RAB33A: variants seen among roughly 807,000 people sequenced by gnomAD.
RAB33A encodes the protein RAB33A, member RAS oncogene family.
In RAB33A, 6 loss-of-function variants were observed where a neutral mutation model predicts 12.0. The observed-to-expected ratio is 0.50, with a 90% CI of 0.27 to 0.99. The LOEUF is 0.99. RAB33A is among the 50% of genes least tolerant of loss of function. RAB33A has a pLI of 0.11. For missense variants in RAB33A, 109 were observed against 192.0 expected, an observed-to-expected ratio of 0.57 and a Z score of 2.55; for synonymous variants, 70 against 82.4, an observed-to-expected ratio of 0.85 and a Z score of 0.81.
At chrX:130,147,433 C>T in the RAB33A span, 1 of 1,203,446 alleles carries the variant, frequency 8.3e-7, no homozygotes, top group Non-Finnish European at 1.1e-6. Flanking sequence ...TGGCAAAATC[C>T]TAACCTATTC....
chrX:130,116,885 T>C, the RAB33A span, among the ~76,000 whole-genome samples: 3 of 112,013 alleles, frequency 2.7e-5, no homozygotes, highest in Non-Finnish European at 5.6e-5. Context: ...ACTCGGTCCC[T>C]GCAGCCCACC....
At chrX:130,146,817 C>T in the RAB33A span, among the ~76,000 whole-genome samples, 516 of 111,588 alleles carry the variant, frequency 4.6e-3, 3 homozygotes, top group African/African-American at 0.016. Context: ...AAGAGAGTGC[C>T]GTTAAAAAGT....
upstream of RAB33A, among the ~76,000 whole-genome samples, chrX:130,169,455 A>T (rs760544952): frequency 8.9e-6 from 1 of 112,010 alleles, no homozygotes; most frequent in East Asian, 2.8e-4. Context: ...TGCACAATTA[A>T]CACAAAGGGC....
chrX:130,114,444 A>G, the RAB33A span, among the ~76,000 whole-genome samples: 6 of 111,609 alleles, frequency 5.4e-5, no homozygotes, highest in Non-Finnish European at 1.1e-4. Flanking sequence ...TCTTCCACCT[A>G]CCTGCTGGGT....
At chrX:130,133,497 A>G in the RAB33A span, 1 of 1,204,552 alleles carries the variant, frequency 8.3e-7, no homozygotes. Flanking sequence ...GATAAAAAAA[A>G]AAAAAGCAAG....
the RAB33A span, chrX:130,130,021 G>C: frequency 5.8e-6 from 7 of 1,211,349 alleles, no homozygotes; most frequent in Non-Finnish European, 1.1e-6. Flanking sequence ...CAATCCCCAC[G>C]ACCACTTTGT....
the RAB33A span, among the ~76,000 whole-genome samples, chrX:130,142,794 C>T: frequency 6.3e-5 from 7 of 110,893 alleles, no homozygotes; most frequent in East Asian, 2.8e-4. Context: ...TACAGGTGTG[C>T]GCCACCACAC....
the RAB33A span, among the ~76,000 whole-genome samples, chrX:130,130,457 T>C: frequency 8.9e-6 from 1 of 112,116 alleles, no homozygotes; most frequent in Non-Finnish European, 1.9e-5. Flanking sequence ...TATTTCCTGG[T>C]ATCTGGATTT....
the RAB33A span, among the ~76,000 whole-genome samples, chrX:130,128,682 G>C: frequency 7.1e-5 from 8 of 112,523 alleles, no homozygotes; most frequent in Admixed American, 3.8e-4. Flanking sequence ...AATCTGTAAA[G>C]TGAGGTATGC....
At chrX:130,116,099 C>CTTTTT in the RAB33A span, among the ~76,000 whole-genome samples, 1 of 63,054 alleles carries the variant, frequency 1.6e-5, no homozygotes, top group Non-Finnish European at 2.7e-5. Context: ...ACCCCAGGTC[C>CTTTTT]TTTTTTTTTT....
At chrX:130,172,663 C>G (rs1375160687) in intron 1 of RAB33A, among the ~76,000 whole-genome samples, 1 of 111,924 alleles carries the variant, frequency 8.9e-6, no homozygotes, top group African/African-American at 3.2e-5. Context: ...ATCTGTGGGT[C>G]CTAGTCTCTG....
chrX:130,129,176 GGT>G, the RAB33A span, among the ~76,000 whole-genome samples: 3 of 111,364 alleles, frequency 2.7e-5, no homozygotes, highest in East Asian at 8.4e-4. Flanking sequence ...GGCCACAGCA[GGT>G]GTGTGCAAAG....
At chrX:130,153,352 C>CAAAAA in the RAB33A span, among the ~76,000 whole-genome samples, 1 of 42,858 alleles carries the variant, frequency 2.3e-5, no homozygotes, top group African/African-American at 9.7e-5. Flanking sequence ...GACTCCGTTT[C>CAAAAA]AAAAAAAAAA....
the RAB33A span, among the ~76,000 whole-genome samples, chrX:130,127,975 C>A: frequency 9.0e-6 from 1 of 111,262 alleles, no homozygotes; most frequent in African/African-American, 3.3e-5. Context: ...CAGGCGTGAG[C>A]CACTGTGCGC....
At chrX:130,145,011 TAAC>T in the RAB33A span, among the ~76,000 whole-genome samples, 1 of 111,844 alleles carries the variant, frequency 8.9e-6, no homozygotes, top group African/African-American at 3.3e-5. Context: ...TACCTGCCAT[TAAC>T]AACAATAAAA....
intron 1 of RAB33A, among the ~76,000 whole-genome samples, chrX:130,183,880 C>T (rs752319330): frequency 4.5e-5 from 5 of 111,642 alleles, no homozygotes; most frequent in Non-Finnish European, 9.4e-5. Context: ...TCCTGTGTCA[C>T]GGCTTGTCAC....
the RAB33A span, chrX:130,149,352 T>G: frequency 1.5e-5 from 9 of 616,678 alleles, no homozygotes; most frequent in Non-Finnish European, 2.5e-5. Flanking sequence ...TTCTAGATGC[T>G]TGCAATCTCA....
the RAB33A span, chrX:130,137,150 G>C: frequency 8.3e-7 from 1 of 1,211,488 alleles, no homozygotes; most frequent in Non-Finnish European, 1.1e-6. Flanking sequence ...CCTTTCTCGG[G>C]GAAGAGTTGA....
At chrX:130,145,334 C>T in the RAB33A span, 6 of 501,920 alleles carry the variant, frequency 1.2e-5, no homozygotes, top group Non-Finnish European at 2.1e-5. Flanking sequence ...ACACACTCAG[C>T]ATTATTAAAC....
Sources: gnomAD v4.1 joint callset for allele counts (sites outside exome capture counted in the v4.1 genomes callset) on GRCh38, gnomAD v4.1.1 for gene constraint, MANE v1.5 for transcripts, NCBI Gene and HGNC (gene_info 2026-07-23, HGNC 2026-07-21) for gene names.